The following NIM1K variants were observed in gnomAD, a reference collection of about 807,000 sequenced individuals.
NIM1K encodes NIM1 serine/threonine protein kinase.
Under a neutral mutation model 37.1 loss-of-function variants are expected in NIM1K, and 35 were observed. The ratio of observed to expected loss-of-function variants is 0.94; its 90% CI spans 0.72 to 1.25. The LOEUF (loss-of-function observed/expected upper bound fraction) is 1.25. NIM1K is among the 50% of genes most tolerant of loss of function. The pLI is 0.00. For missense variants in NIM1K, 564 were observed against 548.0 expected (o/e 1.03, Z -0.29); for synonymous variants, 234 against 206.6 (o/e 1.13, Z -1.14).
rs540223268 is a variant in NIM1K, at chr5:43,218,836, C to T, written c.-694-26246C>T. 2.6e-5 allele frequency among the ~76,000 whole-genome samples: 4 copies of T among 151,780 alleles called. No homozygotes were observed. The East Asian group carries it at 7.7e-4, about 29-fold the overall frequency. ...CTCAAGAGATCCTGCCACCTCAGTG[C>T]CCCCACTCCACCCACCATGAGCTGA... On this transcript the variant is annotated intron_variant, in intron 1 of 3. Transcript: ENST00000326035.
intron 1 of NIM1K, among the ~76,000 whole-genome samples, chr5:43,195,152 CT>C (rs1305427595): frequency 6.6e-6 from 1 of 152,036 alleles, no homozygotes; most frequent in Admixed American, 6.6e-5. Context: ...TATTGTCATT[CT>C]AGAAAAAGGT....
chr5:43,228,836 CAATT>C (rs922087123), intron 1 of NIM1K, among the ~76,000 whole-genome samples: 2 of 151,924 alleles, frequency 1.3e-5, no homozygotes, highest in Non-Finnish European at 1.5e-5. Flanking sequence ...GTCTCAAAAA[CAATT>C]AATTAATTAA....
intron 1 of NIM1K, among the ~76,000 whole-genome samples, chr5:43,202,068 C>A (rs958171361): frequency 1.3e-5 from 2 of 151,968 alleles, no homozygotes; most frequent in African/African-American, 4.8e-5. Flanking sequence ...AAATCCTCCT[C>A]TATCAAGAGA....
intron 1 of NIM1K, among the ~76,000 whole-genome samples, chr5:43,230,146 A>G (rs1752516681): frequency 6.6e-6 from 1 of 152,218 alleles, no homozygotes; most frequent in African/African-American, 2.4e-5. Flanking sequence ...ACAAAAGTTG[A>G]AACAATAAAG....
At chr5:43,229,241 C>T (rs976331895) in intron 1 of NIM1K, among the ~76,000 whole-genome samples, 3 of 151,810 alleles carry the variant, frequency 2.0e-5, no homozygotes, top group Admixed American at 6.6e-5. Context: ...AAAAATTAGC[C>T]GGGCGTGGTG....
chr5:43,269,460 G>A (rs1394942592), intron 2 of NIM1K, among the ~76,000 whole-genome samples: 3 of 152,000 alleles, frequency 2.0e-5, no homozygotes, highest in African/African-American at 7.2e-5. Context: ...TATTTGGTTT[G>A]TGATATTTTA....
chr5:43,197,279 C>T (rs1454951382), intron 1 of NIM1K, among the ~76,000 whole-genome samples: 2 of 151,900 alleles, frequency 1.3e-5, no homozygotes, highest in Non-Finnish European at 1.5e-5. Flanking sequence ...CAGGCATGCA[C>T]CATCATGTCC....
chr5:43,231,698 G>T, intron 1 of NIM1K: 3 of 574,310 alleles, frequency 5.2e-6, no homozygotes, highest in South Asian at 3.2e-5. Flanking sequence ...GTCAGTAGTT[G>T]TATATTAGAG....
At chr5:43,199,281 AAT>A (rs70994604) in intron 1 of NIM1K, among the ~76,000 whole-genome samples, 8,116 of 145,304 alleles carry the variant, frequency 0.056, 325 homozygotes, top group East Asian at 0.2. Flanking sequence ...TCTCTACTAA[AAT>A]ATATATATAT....
At chr5:43,202,582 T>A (rs1233679921) in intron 1 of NIM1K, among the ~76,000 whole-genome samples, 1 of 152,194 alleles carries the variant, frequency 6.6e-6, no homozygotes, top group Non-Finnish European at 1.5e-5. Flanking sequence ...GGAAACTGAA[T>A]CAGCCAGTCG....
At chr5:43,200,632 C>G (rs1029737145) in intron 1 of NIM1K, among the ~76,000 whole-genome samples, 4 of 152,086 alleles carry the variant, frequency 2.6e-5, no homozygotes, top group East Asian at 1.9e-4. Context: ...AGAACACAAC[C>G]GTAAGATACA....
At chr5:43,204,081 GTTT>G (rs70994605) in intron 1 of NIM1K, among the ~76,000 whole-genome samples, 1 of 85,370 alleles carries the variant, frequency 1.2e-5, no homozygotes, top group Non-Finnish European at 2.0e-5. Context: ...AGTTCCAATG[GTTT>G]TTTTTTTTTT....
At chr5:43,254,427 T>A (rs1249468489) in intron 2 of NIM1K, among the ~76,000 whole-genome samples, 1 of 152,208 alleles carries the variant, frequency 6.6e-6, no homozygotes, top group Non-Finnish European at 1.5e-5. Context: ...CTTAACAAAC[T>A]CTGGGATGTA....
chr5:43,238,953 C>T (rs533580025), intron 1 of NIM1K, among the ~76,000 whole-genome samples: 6 of 92,774 alleles, frequency 6.5e-5, no homozygotes, highest in African/African-American at 2.3e-4. Flanking sequence ...GAGGGAAAGG[C>T]TGGCGGGGGC....
chr5:43,257,087 G>A (rs556652674), intron 2 of NIM1K, among the ~76,000 whole-genome samples: 1 of 152,080 alleles, frequency 6.6e-6, no homozygotes, highest in African/African-American at 2.4e-5. Flanking sequence ...CATTGAAAAG[G>A]AGGCTAGGGA....
chr5:43,231,179 T>C (rs1030176875), intron 1 of NIM1K, among the ~76,000 whole-genome samples: 2 of 152,180 alleles, frequency 1.3e-5, no homozygotes, highest in Non-Finnish European at 2.9e-5. Context: ...TAGCTGGGCA[T>C]GTTGGCACAA....
chr5:43,204,704 C>CAA lies in NIM1K; in HGVS notation c.-695+12307_-695+12308dup, dbSNP rs59833557. On this transcript the variant is annotated intron_variant, in intron 1 of 3. Transcript: ENST00000326035. ...TGGGCAACAGAAAGAGGCTCTGTCT[C>CAA]AAAAAAAAAAAAAAAGTCACAGCTG... Among the ~76,000 whole-genome samples the CAA allele has an allele frequency of 2.4e-3, 303 of 125,920 alleles. 1 individual carries two copies. The highest frequency in any genetic ancestry group is 5.9e-3 in the African/African-American group (204 of 34,346). The allele number at this position is 125,920 out of a possible 152,430, so 82.6% of individuals were successfully genotyped here. A position where few individuals can be genotyped will look rare whatever the true frequency, so the allele number is the denominator to read the frequency against.
chr5:43,231,441 A>G (rs1206642755), intron 1 of NIM1K, among the ~76,000 whole-genome samples: 1 of 152,178 alleles, frequency 6.6e-6, no homozygotes, highest in Non-Finnish European at 1.5e-5. Flanking sequence ...CTCTTGGTTT[A>G]GCCCCTGCAA....
At chr5:43,208,644 T>C (rs367991878) in intron 1 of NIM1K, among the ~76,000 whole-genome samples, 6 of 152,040 alleles carry the variant, frequency 3.9e-5, no homozygotes, top group African/African-American at 1.4e-4. Flanking sequence ...AGCAAATGTG[T>C]TCCAGTTAGG....
Sources: allele counts gnomAD v4.1 joint callset (sites outside exome capture counted in the v4.1 genomes callset), GRCh38; gene constraint gnomAD v4.1.1; transcripts MANE v1.5; gene names NCBI Gene and HGNC (gene_info 2026-07-23, HGNC 2026-07-21).